CHEK1: variants seen among roughly 807,000 people sequenced by gnomAD.
The protein encoded by CHEK1 is checkpoint kinase 1.
A neutral mutation model predicts 60.2 loss-of-function variants in CHEK1; 32 were observed. The ratio of observed to expected loss-of-function variants is 0.53; its 90% CI spans 0.40 to 0.71. CHEK1 has a LOEUF of 0.71. CHEK1 is among the 30% of genes least tolerant of loss of function. The pLI, the probability that CHEK1 is intolerant of heterozygous loss-of-function variation, is 0.00. For synonymous variants in CHEK1, 179 were observed against 187.2 expected (o/e 0.96, Z 0.36); for missense variants, 399 against 564.6 (o/e 0.71, Z 2.97).
At chr11:125,652,316 G>A (rs899526265) in intron 11 of CHEK1, among the ~76,000 whole-genome samples, 2 of 152,130 alleles carry the variant, frequency 1.3e-5, no homozygotes, top group African/African-American at 2.4e-5. Flanking sequence ...TAGGCTGAGC[G>A]TCTTTCCATG....
rs370350660 is a variant in CHEK1 at position 125,635,493 on chromosome 11, A to T, written c.678A>T (p.Thr226=). The change falls in exon 7 of 13, where the codon ACA becomes ACT. Residue 226 remains threonine, a synonymous_variant. Coordinates refer to ENST00000438015, the MANE Select transcript of CHEK1 (RefSeq NM_001114122.3). ...QEYSDWKEKK[T]YLNPWKKIDS... ...ATTCTGACTGGAAAGAAAAAAAAAC[A>T]TACCTCAACCCTTGGAAAAAAATCG... 1 of 1,609,306 alleles carries T rather than the reference A, an allele frequency of 6.2e-7. No homozygotes were observed. Among genetic ancestry groups the T allele is most frequent in the Admixed American group, 1.7e-5 (1 of 59,550 alleles).
At chr11:125,679,714 T>G (rs1380334935), downstream of CHEK1, among the ~76,000 whole-genome samples, 2 of 152,162 alleles carry the variant, frequency 1.3e-5, no homozygotes, top group Non-Finnish European at 2.9e-5. Context: ...GAGGCTGAGG[T>G]AGTCTAAAAC....
At chr11:125,676,144 G>A (rs140300439) in exon 14 of CHEK1, 12,756 of 500,342 alleles carry the variant, frequency 0.025, 236 homozygotes, top group Middle Eastern at 0.051. Flanking sequence ...CTGACCTCAA[G>A]TGATCCACCT....
chr11:125,650,716 C>T (rs981848806), intron 11 of CHEK1, among the ~76,000 whole-genome samples: 3 of 152,024 alleles, frequency 2.0e-5, no homozygotes, highest in Non-Finnish European at 4.4e-5. Flanking sequence ...GTGTGAGGCA[C>T]CATGCCCGGC....
At chr11:125,646,215 A>G (rs912373605) in intron 11 of CHEK1, among the ~76,000 whole-genome samples, 1 of 152,122 alleles carries the variant, frequency 6.6e-6, no homozygotes, top group Non-Finnish European at 1.5e-5. Context: ...TGGACATTTT[A>G]TATAAATGGA....
intron 11 of CHEK1, among the ~76,000 whole-genome samples, chr11:125,651,963 G>T (rs1328010818): frequency 6.6e-6 from 1 of 152,144 alleles, no homozygotes; most frequent in East Asian, 1.9e-4. Context: ...CTCAGTTCTT[G>T]AAGTATTTTC....
Position 125,656,715 on chromosome 11 carries a change from C to G in CHEK1, c.*1395C>G, listed in dbSNP as rs1941911780. On this transcript the variant is annotated 3_prime_UTR_variant, in exon 13 of 13. Transcript: ENST00000438015. ...CCACTTGAATGTCTAGTAGGCATCT[C>G]TTGACCAAAAACAGCTTTTGATTCC... is the stretch of plus-strand genomic sequence containing the variant. 1.4e-5 allele frequency: 3 copies of G among 215,140 alleles called. No homozygotes were observed. In the East Asian group the frequency reaches 2.1e-4, roughly 15 times the overall value. 13.3% of individuals were successfully genotyped at this position (215,140 alleles called of 1,614,324 possible).
At chr11:125,665,869 CTTTTTT>C (rs66560397) in intron 13 of CHEK1, among the ~76,000 whole-genome samples, 3 of 30,530 alleles carry the variant, frequency 9.8e-5, no homozygotes, top group East Asian at 1.5e-3. Flanking sequence ...CTTCATTCCC[CTTTTTT>C]TTTTTTTTTT....
chr11:125,641,829 A>G (rs1941315294), intron 8 of CHEK1, among the ~76,000 whole-genome samples: 2 of 152,060 alleles, frequency 1.3e-5, no homozygotes, highest in South Asian at 4.2e-4. Flanking sequence ...TATCATTCCA[A>G]ATTACCATGA....
downstream of CHEK1, chr11:125,676,533 T>TTGA (rs373765595): frequency 8.9e-5 from 143 of 1,605,262 alleles, 1 homozygote; most frequent in African/African-American, 1.6e-3. Context: ...ATGTGTAGCC[T>TTGA]TGATTCACAT....
chr11:125,661,592 G>A (rs1490961740), downstream of CHEK1, among the ~76,000 whole-genome samples: 1 of 152,054 alleles, frequency 6.6e-6, no homozygotes, highest in Non-Finnish European at 1.5e-5. Flanking sequence ...CATTACAGGC[G>A]TGAGCCACCG....
At chr11:125,667,988 T>G (rs1326428123) in intron 13 of CHEK1, among the ~76,000 whole-genome samples, 1 of 152,224 alleles carries the variant, frequency 6.6e-6, no homozygotes, top group Non-Finnish European at 1.5e-5. Context: ...GTCTAAATAA[T>G]GTATCCCATC....
chr11:125,637,903 G>A (rs2136005284), intron 8 of CHEK1, among the ~76,000 whole-genome samples: 2 of 152,322 alleles, frequency 1.3e-5, no homozygotes, highest in Admixed American at 1.3e-4. Flanking sequence ...ATTTTAGAAA[G>A]TCTGATGCTT....
chr11:125,657,483 C>A (rs1941940285), downstream of CHEK1, among the ~76,000 whole-genome samples: 1 of 152,144 alleles, frequency 6.6e-6, no homozygotes, highest in Non-Finnish European at 1.5e-5. Flanking sequence ...CAGAAATAAT[C>A]ACAAAATAGA....
chr11:125,655,213 T>C lies in CHEK1; in HGVS notation c.1336-12T>C. 1 of 1,590,790 alleles carries C rather than the reference T, an allele frequency of 6.3e-7. No homozygotes were observed. The highest frequency in any genetic ancestry group is 8.6e-7 in the Non-Finnish European group (1 of 1,164,978). On this transcript the variant is annotated splice_polypyrimidine_tract_variant and intron_variant, in intron 12 of 12. Transcript: ENST00000438015. ...GTTTTGACATAATTTTTTAATACTA[T>C]TTCTAATATAGGGTGATGGATTGGA...
chr11:125,634,413 C>G (rs1317807237), intron 6 of CHEK1, among the ~76,000 whole-genome samples: 1 of 151,888 alleles, frequency 6.6e-6, no homozygotes, highest in Non-Finnish European at 1.5e-5. Flanking sequence ...GCCTTGAGCT[C>G]CCAGGCTCAA....
rs765194025 is a variant in CHEK1 at position 125,633,197 on chromosome 11, A to G, written c.459A>G (p.Thr153=). The G allele has an allele frequency of 1.1e-5, 17 of 1,599,206 alleles. No homozygotes were observed. The Admixed American group carries it at 2.3e-4, about 22-fold the overall frequency. Reference sequence around the variant, plus strand: ...AAATCTCAGACTTTGGCTTGGCAACAGTATTTCGGTATAATAATCGTGAGC... The same window carrying G: ...AAATCTCAGACTTTGGCTTGGCAACGGTATTTCGGTATAATAATCGTGAGC... ...NLKISDFGLA[T]VFRYNNRERL... The change falls in exon 6 of 13, where the codon ACA becomes ACG. Residue 153 remains threonine, a synonymous_variant. Coordinates refer to ENST00000438015, the MANE Select transcript of CHEK1 (RefSeq NM_001114122.3).
downstream of CHEK1, chr11:125,677,785 A>G (rs762592899): frequency 3.1e-6 from 5 of 1,613,004 alleles, no homozygotes; most frequent in Admixed American, 3.3e-5. Context: ...CACCCATCCA[A>G]ACATGGCTCA....
Position 125,637,532 on chromosome 11 carries a change from C to A in CHEK1, c.802C>A (p.Pro268Thr). The A allele has an allele frequency of 6.2e-7, 1 of 1,608,016 alleles. No individual in the cohort carries two copies. The highest frequency in any genetic ancestry group is 1.1e-5 in the South Asian group (1 of 90,034). The change falls in exon 8 of 13, where the codon CCC (proline) becomes ACC (threonine). Residue 268 changes from proline to threonine, a missense_variant. This residue lies in a region of CHEK1 where 370 missense variants were observed against 494.8 expected (regional missense o/e 0.75). Coordinates refer to ENST00000438015, the MANE Select transcript of CHEK1 (RefSeq NM_001114122.3). ...DIKKDRWYNK[P>T]LKKGAKRPRV... Reference sequence around the variant, plus strand: ...CAAAAAAGATAGATGGTACAACAAACCCCTCAAGAAAGGTAATATCCTTAA... The same window carrying A: ...CAAAAAAGATAGATGGTACAACAAAACCCTCAAGAAAGGTAATATCCTTAA...
Sources: allele counts gnomAD v4.1 joint callset (sites outside exome capture counted in the v4.1 genomes callset), GRCh38; gene constraint gnomAD v4.1.1; regional missense constraint gnomAD v4.1.1; transcripts MANE v1.5; gene names NCBI Gene and HGNC (gene_info 2026-07-23, HGNC 2026-07-21).